DOP1B: variants seen among roughly 807,000 people sequenced by gnomAD.
The protein encoded by DOP1B is DOP1 leucine zipper like protein B.
DOP1B carries 174 observed loss-of-function variants against 233.5 expected under a neutral mutation model. That is an observed-to-expected ratio of 0.75 (90% CI 0.66 to 0.85). The LOEUF (loss-of-function observed/expected upper bound fraction) is 0.85, where lower values mean the gene tolerates loss of function less well. Among genes scored for constraint, DOP1B ranks in the 40% least tolerant of loss-of-function variants. DOP1B has a pLI of 0.00. For missense variants in DOP1B, 2,652 were observed against 2,846.6 expected, an observed-to-expected ratio of 0.93 and a Z score of 1.56; for synonymous variants, 1,190 against 1,185.6, an observed-to-expected ratio of 1.00 and a Z score of -0.08.
At chr21:36,219,041 C>T (rs1165504080) in intron 9 of DOP1B, among the ~76,000 whole-genome samples, 1 of 152,164 alleles carries the variant, frequency 6.6e-6, no homozygotes, top group Non-Finnish European at 1.5e-5. Flanking sequence ...GTTACTTAAC[C>T]TCTCTGTGCT....
chr21:36,268,575 A>G (rs950953814), intron 26 of DOP1B, among the ~76,000 whole-genome samples: 1 of 152,244 alleles, frequency 6.6e-6, no homozygotes, highest in African/African-American at 2.4e-5. Context: ...AGACAGGTGT[A>G]AGAAATTACA....
intron 12 of DOP1B, 84 bp from the exon 13 acceptor site, chr21:36,227,602 T>A: frequency 8.3e-7 from 1 of 1,203,830 alleles, no homozygotes; most frequent in Non-Finnish European, 1.1e-6. Flanking sequence ...CCCTAAAAAA[T>A]TGAATTAGAT....
chr21:36,271,166 A>G (rs1054879219), intron 27 of DOP1B, among the ~76,000 whole-genome samples: 9 of 151,300 alleles, frequency 5.9e-5, no homozygotes, highest in African/African-American at 1.5e-4. Flanking sequence ...AAAGCAAACT[A>G]CCTTCTCAAG....
rs752947102 is a variant in DOP1B at position 36,270,099 on chromosome 21, A to C, written c.5574A>C (p.Glu1858Asp). 1.9e-6 allele frequency: 3 copies of C among 1,614,162 alleles called. No homozygotes were observed. Among genetic ancestry groups the C allele is most frequent in the Non-Finnish European group, 1.7e-6 (2 of 1,180,028 alleles). Reference sequence around the variant, plus strand: ...CCAGCTGGCTAAGCAGAAACCTGGAAGTGAAGGCCCAACCTCAGGCCTCTC... The same window carrying C: ...CCAGCTGGCTAAGCAGAAACCTGGACGTGAAGGCCCAACCTCAGGCCTCTC... Reference protein sequence around the residue: ...EQTSWLSRNLEVKAQPQASLE... With the variant: ...EQTSWLSRNLDVKAQPQASLE... Residue 1858 changes from glutamate (E) to aspartate (D), a missense_variant, in exon 27 of 37, where the codon GAA (glutamate) becomes GAC (aspartate). Physicochemically the swap from Glu to Asp is conservative, Grantham distance 45 (BLOSUM62 2). Around this residue, in one of 3 missense-constraint regions of DOP1B, gnomAD observed 2,617 missense variants for 2,794.3 expected, o/e 0.94. Coordinates refer to ENST00000691173, the MANE Select transcript of DOP1B (RefSeq NM_001320714.2).
intron 2 of DOP1B, among the ~76,000 whole-genome samples, chr21:36,167,929 CTTTTCTTTTTCTTTT>C (rs1214989480): frequency 3.1e-5 from 3 of 97,312 alleles, no homozygotes; most frequent in Non-Finnish European, 6.1e-5. Context: ...CTTTTCTTTT[CTTTTCTTTTTCTTTT>C]TTTTTTTTTT....
chr21:36,207,499 G>GT (rs1164791099), intron 4 of DOP1B, among the ~76,000 whole-genome samples: 3,002 of 89,490 alleles, frequency 0.034, 81 homozygotes, highest in African/African-American at 0.087. Context: ...AGTTTTTTTT[G>GT]TTTTTTTTTT....
chr21:36,245,864 A>G lies in DOP1B; in HGVS notation c.3884A>G (p.Tyr1295Cys), dbSNP rs772953079. ...GAGGCCCTCATTGGCCAGAGTTTCTACGGAAAGCTCCAGACCCAGGTCCCC... is the reference window on the plus strand; with the variant it reads ...GAGGCCCTCATTGGCCAGAGTTTCTGCGGAAAGCTCCAGACCCAGGTCCCC... Reference protein sequence around the residue: ...HQEALIGQSFYGKLQTQVPNV... With the variant: ...HQEALIGQSFCGKLQTQVPNV... The change falls in exon 19 of 37, where the codon TAC (tyrosine) becomes TGC (cysteine). Residue 1295 changes from tyrosine to cysteine, a missense_variant. Physicochemically the swap from Tyr to Cys is radical, Grantham distance 194. This residue lies in a region of DOP1B where 2,617 missense variants were observed against 2,794.3 expected (regional missense o/e 0.94). Transcript: ENST00000691173. The surrounding 1 kb of genome is among the most constrained non-coding windows in gnomAD (Gnocchi z 5.5). 12 of 1,613,590 alleles carry G rather than the reference A, an allele frequency of 7.4e-6. No individual in the cohort carries two copies. Among genetic ancestry groups the G allele is most frequent in the African/African-American group, 5.3e-5 (4 of 74,846 alleles).
chr21:36,265,711 C>G (rs1455367873), intron 26 of DOP1B, among the ~76,000 whole-genome samples: 1 of 152,158 alleles, frequency 6.6e-6, no homozygotes, highest in Non-Finnish European at 1.5e-5. Context: ...TTCTTTCTGT[C>G]TCATGACACC....
At chr21:36,288,193 T>G in intron 33 of DOP1B, 43 bp downstream of exon 33, 1 of 1,565,428 alleles carries the variant, frequency 6.4e-7, no homozygotes, top group Non-Finnish European at 8.7e-7. Context: ...GTTGGAGCTT[T>G]TTAAAATGCT....
intron 18 of DOP1B, among the ~76,000 whole-genome samples, chr21:36,243,290 A>G (rs1024358748): frequency 6.6e-6 from 1 of 151,484 alleles, no homozygotes; most frequent in African/African-American, 2.4e-5. Context: ...CATGGCATAG[A>G]TTTATTGAAC....
rs1229666157 is a variant in DOP1B at position 36,246,347 on chromosome 21, G to C, written c.4367G>C (p.Gly1456Ala). 1 of 1,613,812 alleles carries C rather than the reference G, an allele frequency of 6.2e-7. No homozygotes were observed. Residue 1456 changes from glycine to alanine, a missense_variant, in exon 19 of 37, where the codon GGT (glycine) becomes GCT (alanine). Physicochemically the swap from Gly to Ala is moderately conservative, Grantham distance 60 (BLOSUM62 0). Coordinates refer to ENST00000691173, the MANE Select transcript of DOP1B (RefSeq NM_001320714.2). The surrounding 1 kb of genome is among the most constrained non-coding windows in gnomAD (Gnocchi z 5.1). ...QVLIVLEHHLGRAHEEAENQP... is the reference protein window; with the variant it reads ...QVLIVLEHHLARAHEEAENQP... ...CTGATTGTCTTGGAACACCACCTGG[G>C]TCGGGCCCATGAGGAGGCGGAAAAC...
chr21:36,239,273 T>G (rs1210102656), intron 17 of DOP1B, among the ~76,000 whole-genome samples: 3 of 152,120 alleles, frequency 2.0e-5, no homozygotes, highest in African/African-American at 7.2e-5. Context: ...CTGTGCAGCT[T>G]TTACGGCATG....
At chr21:36,225,446 G>A in intron 11 of DOP1B, 119 bp from the exon 12 acceptor site, 2 of 1,113,064 alleles carry the variant, frequency 1.8e-6, no homozygotes, top group Non-Finnish European at 1.3e-6. Flanking sequence ...GCCCAGGCTG[G>A]TCTCAGACTC....
chr21:36,269,998 C>A lies in DOP1B; in HGVS notation c.5488-15C>A, dbSNP rs1254895513. The A allele has an allele frequency of 6.2e-7, 1 of 1,613,732 alleles. No homozygotes were observed. The highest frequency in any genetic ancestry group is 2.2e-5 in the East Asian group (1 of 44,884). ...TTAATTAACTTCCTTTCCCCCTCCT[C>A]CTGATAATTCTCAGGAAATCACTCA... On this transcript the variant is annotated splice_polypyrimidine_tract_variant and intron_variant, in intron 26 of 36. Transcript: ENST00000691173.
At chr21:36,175,114 TTC>T (rs1213014166) in intron 2 of DOP1B, among the ~76,000 whole-genome samples, 3 of 115,822 alleles carry the variant, frequency 2.6e-5, no homozygotes, top group African/African-American at 5.7e-5. Flanking sequence ...CTTCTTCTTC[TTC>T]TTTTTTTTTT....
At chr21:36,270,459 A>G (rs1163484931) in intron 27 of DOP1B, among the ~76,000 whole-genome samples, 1 of 146,670 alleles carries the variant, frequency 6.8e-6, no homozygotes, top group Non-Finnish European at 1.5e-5. Context: ...AGGCTGAGGC[A>G]GGAGAATCGC....
At chr21:36,271,518 C>T (rs2067289396) in intron 27 of DOP1B, among the ~76,000 whole-genome samples, 2 of 152,182 alleles carry the variant, frequency 1.3e-5, no homozygotes, top group African/African-American at 4.8e-5. Context: ...GTGATCCACC[C>T]ACCTCGGCCT....
At position 36,288,053 on chromosome 21, in the gene DOP1B, T is replaced by TA. The variant is rs768298222; in HGVS notation, c.6201dup (p.Val2068SerfsTer31). ...AATCTCAGAGTTGGACAGACATCCA[T>TA]AGTTGCTGCTCAGATGTTTCTTTTT... On this transcript the variant is annotated frameshift_variant, in exon 33 of 37. Coordinates refer to ENST00000691173, the MANE Select transcript of DOP1B (RefSeq NM_001320714.2). LOFTEE classifies it high-confidence loss of function. The TA allele has an allele frequency of 3.6e-5, 58 of 1,614,008 alleles. No individual in the cohort carries two copies. Among genetic ancestry groups the TA allele is most frequent in the Non-Finnish European group, 4.8e-5 (57 of 1,180,018 alleles).
In DOP1B at chr21:36,223,316, G is replaced by T; in HGVS notation, c.1336G>T (p.Asp446Tyr). 1 of 1,610,794 alleles carries T rather than the reference G, an allele frequency of 6.2e-7. No homozygotes were observed. Among genetic ancestry groups the T allele is most frequent in the Non-Finnish European group, 8.5e-7 (1 of 1,179,342 alleles). The change falls in exon 11 of 37, where the codon GAT (aspartate) becomes TAT (tyrosine). Residue 446 changes from aspartate (D) to tyrosine (Y), a missense_variant. Physicochemically the swap from Asp to Tyr is radical, Grantham distance 160 (BLOSUM62 -3). Transcript: ENST00000691173. ...TTCTCTAAGCACAGACTTTCTCTGG[G>T]ATTATATGACAAGGTGTTTTGAGGA... Reference protein sequence around the residue: ...ITSLSTDFLWDYMTRCFEECF... With the variant: ...ITSLSTDFLWYYMTRCFEECF...
Sources: gnomAD v4.1 joint callset for allele counts (sites outside exome capture counted in the v4.1 genomes callset) on GRCh38, gnomAD v4.1.1 for gene constraint, gnomAD v4.1.1 regional missense constraint, Gnocchi (gnomAD v3.1) non-coding constraint, MANE v1.5 for transcripts, NCBI Gene and HGNC (gene_info 2026-07-23, HGNC 2026-07-21) for gene names.